The following SPATA16 variants were observed in gnomAD, a reference collection of about 807,000 sequenced individuals.
The protein encoded by SPATA16 is spermatogenesis-associated protein 16.
Under a neutral mutation model 63.3 loss-of-function variants are expected in SPATA16, and 36 were observed. The observed-to-expected ratio is 0.57, with a 90% CI of 0.44 to 0.75. The LOEUF (loss-of-function observed/expected upper bound fraction) is 0.75. Ranked by LOEUF, SPATA16 falls within the 30% of genes least tolerant of loss-of-function variation. The pLI is 0.00. For synonymous variants in SPATA16, 203 were observed against 216.7 expected, an observed-to-expected ratio of 0.94 and a Z score of 0.56; for missense variants, 646 against 679.3, an observed-to-expected ratio of 0.95 and a Z score of 0.54.
intron 2 of SPATA16, among the ~76,000 whole-genome samples, chr3:173,049,380 TA>T (rs1249608308): frequency 6.6e-6 from 1 of 152,152 alleles, no homozygotes; most frequent in African/African-American, 2.4e-5. Flanking sequence ...TAAAATATTT[TA>T]AAAGTATGAT....
At chr3:173,050,610 T>G (rs1415566636) in intron 2 of SPATA16, among the ~76,000 whole-genome samples, 1 of 151,982 alleles carries the variant, frequency 6.6e-6, no homozygotes, top group Non-Finnish European at 1.5e-5. Context: ...TTATAATAAA[T>G]ATTTAGATAT....
intron 1 of SPATA16, among the ~76,000 whole-genome samples, chr3:173,128,397 T>C (rs1430823594): frequency 6.6e-6 from 1 of 152,214 alleles, no homozygotes; most frequent in Non-Finnish European, 1.5e-5. Flanking sequence ...CCTGTGTCAG[T>C]ACTGGGATGC....
chr3:173,097,328 G>GAGA (rs1737384580), intron 2 of SPATA16, among the ~76,000 whole-genome samples: 1 of 152,144 alleles, frequency 6.6e-6, no homozygotes, highest in African/African-American at 2.4e-5. Context: ...GTATGCCAAA[G>GAGA]AGAAGCCATA....
At chr3:172,954,379 T>C (rs1733521872) in intron 6 of SPATA16, among the ~76,000 whole-genome samples, 1 of 152,150 alleles carries the variant, frequency 6.6e-6, no homozygotes, top group Admixed American at 6.5e-5. Context: ...TTCAATTATC[T>C]CCACCTGGCC....
At chr3:173,040,311 T>C (rs1448095641) in intron 3 of SPATA16, among the ~76,000 whole-genome samples, 3 of 152,168 alleles carry the variant, frequency 2.0e-5, no homozygotes, top group Non-Finnish European at 4.4e-5. Context: ...ATCATTTTTC[T>C]TACTTTTTAT....
rs6770894 is a variant in SPATA16 at position 172,971,951 on chromosome 3, C to T, written c.933+5017G>A. 3.6e-3 allele frequency among the ~76,000 whole-genome samples: 551 copies of T among 152,210 alleles called. 3 individuals are homozygous for T. The highest frequency in any genetic ancestry group is 0.013 in the African/African-American group (538 of 41,530). On this transcript the variant is annotated intron_variant, in intron 5 of 10. Coordinates refer to ENST00000351008, the MANE Select transcript of SPATA16 (RefSeq NM_031955.6). ...GCCTGTGGTCTGTGAACCCTGAAGTCCATAGAAAGGCGTTAGGGGCCCACA... is the reference window on the plus strand; with the variant it reads ...GCCTGTGGTCTGTGAACCCTGAAGTTCATAGAAAGGCGTTAGGGGCCCACA...
chr3:172,943,916 G>T (rs530582303), intron 6 of SPATA16, among the ~76,000 whole-genome samples: 1 of 152,060 alleles, frequency 6.6e-6, no homozygotes, highest in African/African-American at 2.4e-5. Flanking sequence ...CATGCAAATT[G>T]TAAGAATATA....
At chr3:172,931,021 G>A (rs1449023976) in intron 6 of SPATA16, among the ~76,000 whole-genome samples, 1 of 151,578 alleles carries the variant, frequency 6.6e-6, no homozygotes, top group African/African-American at 2.4e-5. Context: ...ATGGGGTTTC[G>A]CCTTGTTGGG....
chr3:173,121,748 T>G (rs984260953), intron 1 of SPATA16, among the ~76,000 whole-genome samples: 43 of 152,278 alleles, frequency 2.8e-4, no homozygotes, highest in African/African-American at 1.0e-3. Flanking sequence ...CAACATTGGA[T>G]TTTTTTAAAA....
At chr3:172,977,126 A>G (rs1458256914) in intron 4 of SPATA16, 74 bp from the exon 5 acceptor site, 8 of 1,153,958 alleles carry the variant, frequency 6.9e-6, no homozygotes, top group Non-Finnish European at 1.0e-5. Context: ...AACAGGCACT[A>G]TATACAAATA....
chr3:173,109,532 A>G (rs979405127), intron 2 of SPATA16, among the ~76,000 whole-genome samples: 2 of 152,166 alleles, frequency 1.3e-5, no homozygotes, highest in Non-Finnish European at 2.9e-5. Context: ...TGTTCCTTTA[A>G]TCAATAATCA....
chr3:172,973,583 TG>T (rs1734092504), intron 5 of SPATA16, among the ~76,000 whole-genome samples: 1 of 152,072 alleles, frequency 6.6e-6, no homozygotes, highest in Non-Finnish European at 1.5e-5. Context: ...TGGCTGAAAG[TG>T]AATGCAGCAG....
intron 5 of SPATA16, among the ~76,000 whole-genome samples, chr3:172,962,512 C>A (rs899662918): frequency 2.6e-5 from 4 of 152,004 alleles, no homozygotes; most frequent in Non-Finnish European, 2.9e-5. Context: ...CTCTCATAAT[C>A]CCTTTTTATC....
rs555403142 is a variant in SPATA16 at position 172,961,038 on chromosome 3, T to C, written c.934-4214A>G. Among the ~76,000 whole-genome samples, 65 of 98,388 alleles carry C rather than the reference T, an allele frequency of 6.6e-4. 4 individuals carry two copies. The highest frequency in any genetic ancestry group is 1.4e-3 in the Admixed American group (12 of 8,822). The allele number at this position is 98,388 out of a possible 152,430, so 64.5% of individuals were successfully genotyped here. A position where few individuals can be genotyped will look rare whatever the true frequency, so the allele number is the denominator to read the frequency against. On this transcript the variant is annotated intron_variant, in intron 5 of 10. Transcript: ENST00000351008. Reference sequence around the variant, plus strand: ...TCTTTTTCTCTCTTTCTCTCTTTCTTTCTTTCTTTCTTCTTTCTTTCTTTC... The same window carrying C: ...TCTTTTTCTCTCTTTCTCTCTTTCTCTCTTTCTTTCTTCTTTCTTTCTTTC...
intron 2 of SPATA16, among the ~76,000 whole-genome samples, chr3:173,089,505 A>G (rs1367322823): frequency 6.6e-6 from 1 of 152,202 alleles, no homozygotes; most frequent in Admixed American, 6.5e-5. Context: ...GCCTGTTATC[A>G]GTGACAGCAG....
At chr3:172,998,493 A>G (rs1210259804) in intron 4 of SPATA16, among the ~76,000 whole-genome samples, 3 of 152,118 alleles carry the variant, frequency 2.0e-5, no homozygotes, top group Non-Finnish European at 4.4e-5. Flanking sequence ...AGACAAAGAC[A>G]ATTTTATTTC....
rs1733472991 is a variant in SPATA16, at chr3:172,952,850, G to T, written c.1081+3827C>A. 1.4e-5 allele frequency among the ~76,000 whole-genome samples: 2 copies of T among 147,500 alleles called. 1 individual carries two copies. The highest frequency in any genetic ancestry group is 4.0e-4 in the East Asian group (2 of 4,952). On this transcript the variant is annotated intron_variant, in intron 6 of 10. Transcript: ENST00000351008. ...AGCTACTTGGGAGGCTGAGGCAGGA[G>T]AATCGCTTGAACCCGGGAGGTGGAG...
In SPATA16 at chr3:172,925,336, G is replaced by C; in HGVS notation, c.1228+10C>G. On this transcript the variant is annotated intron_variant, in intron 7 of 10. Coordinates refer to ENST00000351008, the MANE Select transcript of SPATA16 (RefSeq NM_031955.6). ...CTATATGCTAGACCTTGTAGGTTCA[G>C]ATGATTTACCTGTGAATATCGGCAG... is the stretch of plus-strand genomic sequence containing the variant. 6.2e-7 allele frequency: 1 copy of C among 1,613,810 alleles called. No homozygotes were observed. Among genetic ancestry groups the C allele is most frequent in the Non-Finnish European group, 8.5e-7 (1 of 1,179,842 alleles).
intron 5 of SPATA16, among the ~76,000 whole-genome samples, chr3:172,968,793 T>G (rs964079587): frequency 3.3e-5 from 5 of 152,196 alleles, no homozygotes; most frequent in Admixed American, 2.6e-4. Context: ...CCTCTCCTAC[T>G]GGCATACTAC....
Sources: allele counts gnomAD v4.1 joint callset (sites outside exome capture counted in the v4.1 genomes callset), GRCh38; gene constraint gnomAD v4.1.1; transcripts MANE v1.5; gene names NCBI Gene and HGNC (gene_info 2026-07-23, HGNC 2026-07-21).